Variants in DNAAF4 observed in about 807,000 individuals in gnomAD.
DNAAF4 encodes the protein dynein assembly factor 4, axonemal.
DNAAF4 carries 43 observed loss-of-function variants against 51.8 expected under a neutral mutation model. The ratio of observed to expected loss-of-function variants is 0.83; its 90% confidence interval spans 0.65 to 1.07. The LOEUF (loss-of-function observed/expected upper bound fraction) is 1.07, where lower values mean the gene tolerates loss of function less well. Ranked by LOEUF, DNAAF4 falls within the 50% of genes least tolerant of loss-of-function variation. DNAAF4 has a pLI of 0.00. For missense variants in DNAAF4, 581 were observed against 493.0 expected (o/e 1.18, Z -1.69); for synonymous variants, 194 against 165.6 (o/e 1.17, Z -1.32).
intron 7 of DNAAF4, among the ~76,000 whole-genome samples, chr15:55,422,081 T>G (rs569588147): frequency 6.6e-6 from 1 of 152,016 alleles, no homozygotes; most frequent in East Asian, 1.9e-4. Flanking sequence ...AAAATACACA[T>G]GAATATATGC....
At chr15:55,431,150 T>G (rs897835205) in intron 9 of DNAAF4, among the ~76,000 whole-genome samples, 1 of 152,106 alleles carries the variant, frequency 6.6e-6, no homozygotes, top group Admixed American at 6.6e-5. Context: ...CCTGACCTCA[T>G]GATCCACCCA....
chr15:55,427,501 C>A (rs575233487), downstream of DNAAF4, among the ~76,000 whole-genome samples: 37 of 152,098 alleles, frequency 2.4e-4, no homozygotes, highest in Admixed American at 1.2e-3. Flanking sequence ...GGGGGGGCCA[C>A]AAGATTAGAT....
At chr15:55,433,864 T>C (rs1462222837) in intron 8 of DNAAF4, among the ~76,000 whole-genome samples, 1 of 39,804 alleles carries the variant, frequency 2.5e-5, no homozygotes, top group Non-Finnish European at 4.9e-5. Context: ...TTATAATATA[T>C]ATTATATATA....
At chr15:55,469,551 C>T (rs1196336927) in intron 4 of DNAAF4, among the ~76,000 whole-genome samples, 2 of 118,206 alleles carry the variant, frequency 1.7e-5, no homozygotes, top group African/African-American at 3.1e-5. Flanking sequence ...GGCGCAATCT[C>T]GGCTCACTGC....
At chr15:55,423,724 C>T (rs1050624275) in intron 7 of DNAAF4, among the ~76,000 whole-genome samples, 2 of 152,024 alleles carry the variant, frequency 1.3e-5, no homozygotes, top group African/African-American at 2.4e-5. Context: ...AGGCTAAGGC[C>T]GGTGGATCAC....
chr15:55,433,950 A>ATATTTTATATAATATAATAT (rs1555413855), intron 8 of DNAAF4, among the ~76,000 whole-genome samples: 1 of 33,172 alleles, frequency 3.0e-5, no homozygotes, highest in Non-Finnish European at 6.1e-5. Context: ...TATATAATAT[A>ATATTTTATATAATATAATAT]TATAATATAT....
intron 4 of DNAAF4, among the ~76,000 whole-genome samples, chr15:55,490,115 G>A (rs1011903128): frequency 2.6e-5 from 4 of 151,904 alleles, no homozygotes; most frequent in Non-Finnish European, 2.9e-5. Flanking sequence ...CTCATGATCC[G>A]CCCGCCTCGG....
At chr15:55,438,054 T>G (rs2057644414) in intron 7 of DNAAF4, among the ~76,000 whole-genome samples, 1 of 152,184 alleles carries the variant, frequency 6.6e-6, no homozygotes, top group Admixed American at 6.5e-5. Flanking sequence ...TATGCCAGAA[T>G]TCACTGTTTT....
chr15:55,455,801 G>A (rs992913814), intron 5 of DNAAF4, among the ~76,000 whole-genome samples: 2 of 151,996 alleles, frequency 1.3e-5, no homozygotes, highest in Non-Finnish European at 2.9e-5. Flanking sequence ...GGTGGAAATA[G>A]CACAGGTTTC....
At chr15:55,425,294 G>C (rs559958401) in intron 7 of DNAAF4, among the ~76,000 whole-genome samples, 1 of 152,238 alleles carries the variant, frequency 6.6e-6, no homozygotes, top group Admixed American at 6.5e-5. Flanking sequence ...CATCCCCCCG[G>C]TGATAACTGA....
At chr15:55,470,244 G>T (rs2058234584) in intron 4 of DNAAF4, among the ~76,000 whole-genome samples, 2 of 151,930 alleles carry the variant, frequency 1.3e-5, no homozygotes, top group African/African-American at 2.4e-5. Context: ...TAGAGACAGG[G>T]TTTCACCATG....
At chr15:55,506,695 C>T (rs141496240) in intron 1 of DNAAF4, among the ~76,000 whole-genome samples, 2 of 151,950 alleles carry the variant, frequency 1.3e-5, no homozygotes, top group African/African-American at 4.8e-5. Flanking sequence ...GAAAATAAGC[C>T]AAATGTCTTT....
intron 4 of DNAAF4, among the ~76,000 whole-genome samples, chr15:55,488,981 C>T (rs576110057): frequency 4.6e-5 from 7 of 151,756 alleles, no homozygotes; most frequent in Admixed American, 2.0e-4. Flanking sequence ...CCCACCTATT[C>T]GGGAGGCTGA....
At chr15:55,487,570 G>A (rs559522860) in intron 4 of DNAAF4, among the ~76,000 whole-genome samples, 1 of 151,932 alleles carries the variant, frequency 6.6e-6, no homozygotes, top group African/African-American at 2.4e-5. Context: ...TCACTCTTCG[G>A]GTCCGCGCCA....
At position 55,430,613 on chromosome 15, in the gene DNAAF4, A is replaced by G; in HGVS notation, c.*57T>C. The G allele has an allele frequency of 6.3e-7, 1 of 1,576,346 alleles. No individual in the cohort carries two copies. The highest frequency in any genetic ancestry group is 8.6e-7 in the Non-Finnish European group (1 of 1,162,312). On this transcript the variant is annotated 3_prime_UTR_variant, in exon 10 of 10. Transcript: ENST00000321149. Reference sequence around the variant, plus strand: ...ACAACTGGCCATAATATGTACAAAGATGCCTCCAGTTGTTTTTAAAAAACT... The same window carrying G: ...ACAACTGGCCATAATATGTACAAAGGTGCCTCCAGTTGTTTTTAAAAAACT...
At chr15:55,421,909 ATAATAAT>A (rs530560087) in intron 7 of DNAAF4, among the ~76,000 whole-genome samples, 1,588 of 106,224 alleles carry the variant, frequency 0.015, 17 homozygotes, top group South Asian at 0.021. Context: ...TATAATAATA[ATAATAAT>A]AATAATAATA....
intron 6 of DNAAF4, among the ~76,000 whole-genome samples, chr15:55,446,141 C>A (rs2057803604): frequency 6.9e-6 from 1 of 144,946 alleles, no homozygotes; most frequent in South Asian, 2.3e-4. Flanking sequence ...CCTCACTTCC[C>A]AGATGCGGCA....
At chr15:55,443,602 G>C (rs1037552733) in intron 6 of DNAAF4, among the ~76,000 whole-genome samples, 9 of 152,212 alleles carry the variant, frequency 5.9e-5, no homozygotes, top group Non-Finnish European at 1.3e-4. Flanking sequence ...TCTAGGTCTA[G>C]ATCCTTGAGG....
At chr15:55,456,283 T>G (rs2058019789) in intron 5 of DNAAF4, among the ~76,000 whole-genome samples, 1 of 152,058 alleles carries the variant, frequency 6.6e-6, no homozygotes, top group South Asian at 2.1e-4. Flanking sequence ...GGTTTCTCCA[T>G]GTTGGTCAGG....
Sources: allele counts gnomAD v4.1 joint callset (sites outside exome capture counted in the v4.1 genomes callset), GRCh38; gene constraint gnomAD v4.1.1; transcripts MANE v1.5; gene names NCBI Gene and HGNC (gene_info 2026-07-23, HGNC 2026-07-21).